DGKB: variants seen among roughly 807,000 people sequenced by gnomAD.
The protein encoded by DGKB is 90 kDa diacylglycerol kinase.
A neutral mutation model predicts 114.3 loss-of-function variants in DGKB; 67 were observed. The ratio of observed to expected loss-of-function variants is 0.59; its 90% CI spans 0.48 to 0.72. DGKB has a LOEUF of 0.72. DGKB is among the 30% of genes least tolerant of loss of function. The pLI is 0.00. For synonymous variants in DGKB, 398 were observed against 323.1 expected, an observed-to-expected ratio of 1.23 and a Z score of -2.49; for missense variants, 907 against 975.2, an observed-to-expected ratio of 0.93 and a Z score of 0.93.
intron 1 of DGKB, among the ~76,000 whole-genome samples, chr7:14,895,747 G>A (rs1057393757): frequency 5.9e-5 from 9 of 151,436 alleles, no homozygotes; most frequent in African/African-American, 2.2e-4. Flanking sequence ...GTCTCCTAAG[G>A]GATAGTTTTC....
intron 1 of DGKB, among the ~76,000 whole-genome samples, chr7:14,957,733 A>G (rs1045898805): frequency 6.6e-6 from 1 of 151,970 alleles, no homozygotes; most frequent in Non-Finnish European, 1.5e-5. Flanking sequence ...CTGTATTACC[A>G]TTTGTATTTA....
intron 23 of DGKB, among the ~76,000 whole-genome samples, chr7:14,302,052 C>CAAACCA (rs1803659605): frequency 6.6e-6 from 1 of 152,014 alleles, no homozygotes; most frequent in South Asian, 2.1e-4. Flanking sequence ...GGACGATGAA[C>CAAACCA]AAACCAAAGC....
At chr7:14,446,977 C>A (rs1830805003) in intron 21 of DGKB, among the ~76,000 whole-genome samples, 3 of 152,142 alleles carry the variant, frequency 2.0e-5, no homozygotes, top group African/African-American at 4.8e-5. Flanking sequence ...TCAGAAGGGA[C>A]TGTCCCAACT....
intron 20 of DGKB, among the ~76,000 whole-genome samples, chr7:14,485,612 C>T (rs1252905766): frequency 6.6e-6 from 1 of 151,962 alleles, no homozygotes; most frequent in Non-Finnish European, 1.5e-5. Flanking sequence ...TAAATAGGGA[C>T]ACCTGGCCGG....
chr7:14,656,572 T>A (rs978409322), intron 13 of DGKB, among the ~76,000 whole-genome samples: 1 of 151,590 alleles, frequency 6.6e-6, no homozygotes, highest in African/African-American at 2.4e-5. Flanking sequence ...TAAAAGATTT[T>A]CATCAGATTT....
intron 20 of DGKB, among the ~76,000 whole-genome samples, chr7:14,571,859 C>T (rs1393587909): frequency 6.6e-6 from 1 of 152,058 alleles, no homozygotes; most frequent in East Asian, 1.9e-4. Context: ...TCTAGGAAAG[C>T]AGTATACACC....
At chr7:14,729,741 G>A (rs1830644077) in intron 5 of DGKB, among the ~76,000 whole-genome samples, 1 of 151,980 alleles carries the variant, frequency 6.6e-6, no homozygotes, top group African/African-American at 2.4e-5. Flanking sequence ...CACATAGTCA[G>A]TTCAAAAGTG....
At chr7:14,209,668 T>G in intron 23 of DGKB, 1 of 346,578 alleles carries the variant, frequency 2.9e-6, no homozygotes, top group Non-Finnish European at 5.7e-6. Flanking sequence ...TTGGAAAAAA[T>G]AACCTACTTA....
intron 17 of DGKB, among the ~76,000 whole-genome samples, chr7:14,586,342 C>T (rs563050321): frequency 2.1e-5 from 3 of 140,596 alleles, no homozygotes; most frequent in South Asian, 2.3e-4. Flanking sequence ...CAGAGCAAGC[C>T]CCTAACTCTA....
chr7:14,704,285 A>T (rs1238391032), intron 6 of DGKB, among the ~76,000 whole-genome samples: 2 of 149,286 alleles, frequency 1.3e-5, no homozygotes, highest in African/African-American at 5.0e-5. Context: ...AATACAAAAA[A>T]AAAAAAAAAA....
intron 13 of DGKB, among the ~76,000 whole-genome samples, chr7:14,660,360 T>C (rs567227009): frequency 4.3e-4 from 65 of 152,026 alleles, no homozygotes; most frequent in African/African-American, 1.3e-3. Context: ...ATCCATCTGG[T>C]CCTGGACTCT....
intron 3 of DGKB, among the ~76,000 whole-genome samples, chr7:14,754,616 T>G (rs1834605236): frequency 6.6e-6 from 1 of 152,074 alleles, no homozygotes; most frequent in Non-Finnish European, 1.5e-5. Context: ...TGGTTTCCCC[T>G]CATACTACCA....
chr7:14,954,865 G>A (rs1786409048), intron 1 of DGKB, among the ~76,000 whole-genome samples: 6 of 152,050 alleles, frequency 3.9e-5, no homozygotes. Context: ...GTTCAAATTT[G>A]AGAGTCTACA....
At chr7:14,314,076 C>A (rs1218624057) in intron 23 of DGKB, among the ~76,000 whole-genome samples, 1 of 152,130 alleles carries the variant, frequency 6.6e-6, no homozygotes, top group East Asian at 1.9e-4. Flanking sequence ...AGGGTCCTGT[C>A]TGTTAGAAGG....
At chr7:14,434,752 A>G (rs1013330657) in intron 21 of DGKB, among the ~76,000 whole-genome samples, 4 of 152,188 alleles carry the variant, frequency 2.6e-5, no homozygotes, top group Admixed American at 2.6e-4. Flanking sequence ...TAACTCATGG[A>G]AAAGTTATCA....
chr7:14,875,919 G>C lies in DGKB; in HGVS notation c.-188+26673C>G, dbSNP rs141359924. Among the ~76,000 whole-genome samples the C allele has an allele frequency of 3.9e-5, 6 of 152,208 alleles. 1 individual carries two copies. The South Asian group carries it at 1.2e-3, about 32-fold the overall frequency. On this transcript the variant is annotated intron_variant, in intron 1 of 25. Transcript: ENST00000402815. The stretch of plus-strand genomic sequence containing the variant: ...TCTTCTTCCAATGTGGCCCAGGGGA[G>C]CCAAAAGATTGGACACTCTTGGGAT...
At chr7:14,775,648 C>G (rs898143356) in intron 2 of DGKB, among the ~76,000 whole-genome samples, 1 of 152,062 alleles carries the variant, frequency 6.6e-6, no homozygotes, top group Middle Eastern at 3.4e-3. Flanking sequence ...TTCCCAATTT[C>G]GTTCTGCATT....
At chr7:14,686,112 T>A (rs1821639596) in intron 9 of DGKB, among the ~76,000 whole-genome samples, 1 of 152,166 alleles carries the variant, frequency 6.6e-6, no homozygotes, top group Non-Finnish European at 1.5e-5. Flanking sequence ...TTTATAACAA[T>A]CACTATGGTT....
chr7:14,602,680 T>C (rs1803773543), intron 17 of DGKB, among the ~76,000 whole-genome samples: 1 of 152,072 alleles, frequency 6.6e-6, no homozygotes, highest in Non-Finnish European at 1.5e-5. Context: ...AGATACCAAA[T>C]CTCCTGGCCC....
Sources: allele counts gnomAD v4.1 joint callset (sites outside exome capture counted in the v4.1 genomes callset), GRCh38; gene constraint gnomAD v4.1.1; transcripts MANE v1.5; gene names NCBI Gene and HGNC (gene_info 2026-07-23, HGNC 2026-07-21).